The following ABAT variants were observed in gnomAD, a reference collection of about 807,000 sequenced individuals.
ABAT encodes 4-aminobutyrate aminotransferase, mitochondrial.
Under a neutral mutation model 64.6 loss-of-function variants are expected in ABAT, and 45 were observed. The ratio of observed to expected loss-of-function variants is 0.70; its 90% confidence interval spans 0.55 to 0.89. The LOEUF is 0.89. ABAT is among the 40% of genes least tolerant of loss of function. The pLI, the probability that ABAT is intolerant of heterozygous loss-of-function variation, is 0.00. For missense variants in ABAT, 633 were observed against 658.4 expected, an observed-to-expected ratio of 0.96 and a Z score of 0.42; for synonymous variants, 297 against 250.5, an observed-to-expected ratio of 1.19 and a Z score of -1.75.
rs1489755614 is a variant in ABAT, at chr16:8,776,868, G to A, written c.1269+378G>A. 6.6e-6 allele frequency among the ~76,000 whole-genome samples: 1 copy of A among 151,340 alleles called. No individual in the cohort carries two copies. Among genetic ancestry groups the A allele is most frequent in the Non-Finnish European group, 1.5e-5 (1 of 67,794 alleles). Reference sequence around the variant, plus strand: ...TGCTGGGCAGCGCCTGCCGGCACTGGTTATCTTTCTTATTTATTTTATTTT... The same window carrying A: ...TGCTGGGCAGCGCCTGCCGGCACTGATTATCTTTCTTATTTATTTTATTTT... On this transcript the variant is annotated intron_variant, in intron 14 of 15. Transcript: ENST00000268251. This position sits in a 1 kb window ranked among gnomAD's most constrained non-coding sequence, Gnocchi z 4.4.
intron 12 of ABAT, among the ~76,000 whole-genome samples, chr16:8,774,425 A>G (rs970210757): frequency 6.6e-6 from 1 of 152,096 alleles, no homozygotes. Context: ...AATCAAACCG[A>G]TAAGTTCACA....
chr16:8,679,713 A>G (rs2057287996), intron 1 of ABAT, among the ~76,000 whole-genome samples: 1 of 151,948 alleles, frequency 6.6e-6, no homozygotes, highest in Non-Finnish European at 1.5e-5. Flanking sequence ...AGAAGACAAA[A>G]GCCTCAGAAA....
chr16:8,775,956 C>T (rs914082339), intron 13 of ABAT, among the ~76,000 whole-genome samples: 6 of 152,156 alleles, frequency 3.9e-5, no homozygotes, highest in African/African-American at 1.4e-4. Flanking sequence ...CTGTAAGTCA[C>T]GTTTGCCTTA....
At chr16:8,758,961 G>C (rs1164704843) in intron 6 of ABAT, among the ~76,000 whole-genome samples, 1 of 152,104 alleles carries the variant, frequency 6.6e-6, no homozygotes, top group Non-Finnish European at 1.5e-5. Flanking sequence ...AGTTAGCCAG[G>C]TGTGGTGGTG....
intron 5 of ABAT, among the ~76,000 whole-genome samples, chr16:8,752,048 TC>T (rs146095107): frequency 0.021 from 3,133 of 152,280 alleles, 113 homozygotes; most frequent in African/African-American, 0.07. Flanking sequence ...CATCCTCCGC[TC>T]CCCATCAGCA....
chr16:8,765,258 C>T (rs1254541601), intron 8 of ABAT, among the ~76,000 whole-genome samples: 1 of 151,730 alleles, frequency 6.6e-6, no homozygotes, highest in Non-Finnish European at 1.5e-5. Flanking sequence ...ATTGCTTGAG[C>T]CTGGGAGGTC....
chr16:8,762,004 CTCCTT>C (rs1386051732), intron 6 of ABAT, among the ~76,000 whole-genome samples: 12 of 150,500 alleles, frequency 8.0e-5, no homozygotes, highest in East Asian at 3.9e-4. Context: ...TCTCCTTCTT[CTCCTT>C]CTTCTTCTTT....
At chr16:8,729,784 G>A (rs934629802) in intron 1 of ABAT, among the ~76,000 whole-genome samples, 9 of 145,294 alleles carry the variant, frequency 6.2e-5, no homozygotes, top group African/African-American at 2.1e-4. Flanking sequence ...CAATGATCAC[G>A]CCACTGCTCT....
chr16:8,706,776 G>T (rs756899367), intron 1 of ABAT, among the ~76,000 whole-genome samples: 1 of 152,184 alleles, frequency 6.6e-6, no homozygotes, highest in Non-Finnish European at 1.5e-5. Flanking sequence ...AAAGAATTAC[G>T]CAAGAAGCTA....
chr16:8,694,881 G>A (rs934717864), intron 1 of ABAT, among the ~76,000 whole-genome samples: 2 of 152,182 alleles, frequency 1.3e-5, no homozygotes, highest in Non-Finnish European at 2.9e-5. Context: ...GCAGGCCGCC[G>A]CATCCTAACA....
At chr16:8,757,906 C>G in intron 6 of ABAT, 100 bp downstream of exon 6, 1 of 1,321,718 alleles carries the variant, frequency 7.6e-7, no homozygotes, top group Non-Finnish European at 1.1e-6. Context: ...TTCATTCATT[C>G]ATTCCATAAA....
intron 1 of ABAT, among the ~76,000 whole-genome samples, chr16:8,724,629 G>A (rs896158671): frequency 3.3e-5 from 5 of 149,384 alleles, no homozygotes; most frequent in Non-Finnish European, 5.9e-5. Context: ...CCAGCTACTC[G>A]GTAGGCTGAG....
intron 1 of ABAT, among the ~76,000 whole-genome samples, chr16:8,732,763 G>A (rs1192209665): frequency 8.0e-5 from 12 of 150,264 alleles, no homozygotes; most frequent in African/African-American, 2.0e-4. Flanking sequence ...GGTGGTGGCC[G>A]GGCAGAGGGG....
intron 4 of ABAT, among the ~76,000 whole-genome samples, chr16:8,750,094 T>G (rs2059435770): frequency 6.6e-6 from 1 of 152,246 alleles, no homozygotes; most frequent in African/African-American, 2.4e-5. Context: ...TTACTACATA[T>G]TTTAGTTTTC....
chr16:8,778,776 C>CAAAAAA (rs71152934), intron 14 of ABAT, among the ~76,000 whole-genome samples: 2 of 133,644 alleles, frequency 1.5e-5, no homozygotes, highest in African/African-American at 5.6e-5. Flanking sequence ...GACTCCATCT[C>CAAAAAA]AAAAAAAAAA....
At position 8,753,671 on chromosome 16, in the gene ABAT, G is replaced by A. The variant is rs938810371; in HGVS notation, c.316+3132G>A. Reference sequence around the variant, plus strand: ...CCAGGACTTAAAGACCTTTGGCCCCGAAACAGTTGGAGAAACCCAGAGTGT... The same window carrying A: ...CCAGGACTTAAAGACCTTTGGCCCCAAAACAGTTGGAGAAACCCAGAGTGT... On this transcript the variant is annotated intron_variant, in intron 5 of 15. Transcript: ENST00000268251. Among the ~76,000 whole-genome samples, 6 of 152,208 alleles carry A rather than the reference G, an allele frequency of 3.9e-5. No homozygotes were observed. The East Asian group carries it at 5.8e-4, about 15-fold the overall frequency.
At chr16:8,774,197 G>A (rs1196447828) in intron 12 of ABAT, among the ~76,000 whole-genome samples, 1 of 152,152 alleles carries the variant, frequency 6.6e-6, no homozygotes, top group Admixed American at 6.6e-5. Flanking sequence ...CTCCCAAAGT[G>A]CTGGAATTAC....
chr16:8,769,088 C>G, intron 11 of ABAT, 115 bp downstream of exon 11: 4 of 1,457,676 alleles, frequency 2.7e-6, no homozygotes, highest in Non-Finnish European at 3.8e-6. Context: ...CTGTGCAGTG[C>G]TCCCCCAGAG....
In ABAT at chr16:8,711,786, AGATGGATG is replaced by A. The variant is rs59128291; in HGVS notation, c.-41-23878_-41-23871del. Among the ~76,000 whole-genome samples the A allele has an allele frequency of 4.7e-4, 64 of 137,196 alleles. 1 individual carries two copies. The highest frequency in any genetic ancestry group is 1.6e-3 in the African/African-American group (56 of 34,842). The allele number at this position is 137,196 out of a possible 152,430, so 90.0% of individuals were successfully genotyped here. On this transcript the variant is annotated intron_variant, in intron 1 of 15. Transcript: ENST00000268251. ...AAGATGGATGGATGGATGGATGGGA[AGATGGATG>A]GATGGATGGATGGATGGATGGATGG... is the stretch of plus-strand genomic sequence containing the variant.
Sources: allele counts gnomAD v4.1 joint callset (sites outside exome capture counted in the v4.1 genomes callset), GRCh38; gene constraint gnomAD v4.1.1; non-coding constraint Gnocchi (gnomAD v3.1); transcripts MANE v1.5; gene names NCBI Gene and HGNC (gene_info 2026-07-23, HGNC 2026-07-21).